SHE: variants seen among roughly 807,000 people sequenced by gnomAD.
The protein encoded by SHE is SH2 domain-containing adapter protein E.
SHE carries 11 observed loss-of-function variants against 49.8 expected under a neutral mutation model. That is an observed-to-expected ratio of 0.22 (90% CI 0.14 to 0.37). The LOEUF (loss-of-function observed/expected upper bound fraction) is 0.37. Ranked by LOEUF, SHE falls within the 10% of genes least tolerant of loss-of-function variation. The pLI is 1.00. For missense variants in SHE, 624 were observed against 655.5 expected (o/e 0.95, Z 0.52); for synonymous variants, 310 against 278.1 (o/e 1.11, Z -1.14).
In SHE at chr1:154,502,292, C is replaced by A. The variant is rs1326664143; in HGVS notation, c.-266G>T. The A allele has an allele frequency of 5.0e-6, 1 of 200,914 alleles. No homozygotes were observed. Among genetic ancestry groups the A allele is most frequent in the African/African-American group, 2.3e-5 (1 of 43,072 alleles). The allele number at this position is 200,914 out of a possible 1,614,324, so 12.4% of individuals were successfully genotyped here. A position where few individuals can be genotyped will look rare whatever the true frequency, so the allele number is the denominator to read the frequency against. ...CGGGCGCCGGGGGCTTCCCCCTGCT[C>A]TTTCCTCCTGCGGTGGGAGAGGCCA... On this transcript the variant is annotated 5_prime_UTR_variant, in exon 1 of 6. Coordinates refer to ENST00000304760, the MANE Select transcript of SHE (RefSeq NM_001010846.3).
exon 2 of SHE, chr1:154,470,299 G>A (rs1194278091): frequency 7.8e-7 from 1 of 1,288,094 alleles, no homozygotes; most frequent in African/African-American, 1.5e-5. Flanking sequence ...TCATGGCATT[G>A]CTGTTAGGAT....
chr1:154,472,626 C>G (rs972758856), intron 1 of SHE, among the ~76,000 whole-genome samples: 1 of 152,198 alleles, frequency 6.6e-6, no homozygotes, highest in African/African-American at 2.4e-5. Flanking sequence ...AACCTTTGAC[C>G]CGGGCAATCA....
chr1:154,499,621 T>G (rs552784293), intron 1 of SHE, among the ~76,000 whole-genome samples: 1 of 152,256 alleles, frequency 6.6e-6, no homozygotes, highest in Admixed American at 6.5e-5. Context: ...ATTGAGTTTT[T>G]TAAACTCCAA....
At chr1:154,470,305 A>G in exon 2 of SHE, 1 of 1,288,748 alleles carries the variant, frequency 7.8e-7, no homozygotes, top group Non-Finnish European at 1.0e-6. Flanking sequence ...CATTGCTGTT[A>G]GGATGACATG....
In SHE at chr1:154,501,372, G is replaced by C; in HGVS notation, c.591+64C>G. 2.6e-6 allele frequency: 4 copies of C among 1,516,808 alleles called. No individual in the cohort carries two copies. The South Asian group carries it at 4.8e-5, about 18-fold the overall frequency. The allele number at this position is 1,516,808 out of a possible 1,614,324, so 94.0% of individuals were successfully genotyped here. The stretch of plus-strand genomic sequence containing the variant: ...CCTCTTAGGTCTAAAGAAGCCTAGG[G>C]CTTAGCAGGCGCCCAGGGCTCCCCT... On this transcript the variant is annotated intron_variant, in intron 1 of 5. Coordinates refer to ENST00000304760, the MANE Select transcript of SHE (RefSeq NM_001010846.3).
chr1:154,501,513 A>G lies in SHE; in HGVS notation c.514T>C (p.Ser172Pro), dbSNP rs1332272611. The G allele has an allele frequency of 3.1e-6, 5 of 1,614,060 alleles. No individual in the cohort carries two copies. In the African/African-American group the frequency reaches 6.7e-5, roughly 22 times the overall value. Reference sequence around the variant, plus strand: ...GAAGGGGAAGAGGACGCGGAGGAAGAGGAGCTGGAGCTGGAGCTACTGCTG... The same window carrying G: ...GAAGGGGAAGAGGACGCGGAGGAAGGGGAGCTGGAGCTGGAGCTACTGCTG... ...PSSSSSSSSSSSSASSSPSSL... is the reference protein window; with the variant it reads ...PSSSSSSSSSPSSASSSPSSL... The change falls in exon 1 of 6, where the codon TCT becomes CCT. Residue 172 changes from serine to proline, a missense_variant. Ser to Pro is a moderately conservative substitution (Grantham distance 74, BLOSUM62 -1). Transcript: ENST00000304760.
At position 154,479,498 on chromosome 1, in the gene SHE, T is replaced by C; in HGVS notation, c.*4651A>G. ...CACTGTAGTTTTCTTGGAATAATGT[T>C]TATTTAAAGTTACATTTCAGAGGAA... On this transcript the variant is annotated 3_prime_UTR_variant, in exon 6 of 6. Transcript: ENST00000304760. 3.0e-6 allele frequency: 3 copies of C among 985,334 alleles called. No homozygotes were observed. Among genetic ancestry groups the C allele is most frequent in the Non-Finnish European group, 3.6e-6 (3 of 829,850 alleles). The allele number at this position is 985,334 out of a possible 1,614,324, so 61.0% of individuals were successfully genotyped here.
At chr1:154,473,285 C>T (rs1389755086) in intron 1 of SHE, among the ~76,000 whole-genome samples, 1 of 151,946 alleles carries the variant, frequency 6.6e-6, no homozygotes, top group Non-Finnish European at 1.5e-5. Context: ...CAGGTGTGAG[C>T]CACTGAGCCC....
chr1:154,487,275 A>G (rs1445611879), intron 3 of SHE, among the ~76,000 whole-genome samples: 1 of 151,996 alleles, frequency 6.6e-6, no homozygotes, highest in African/African-American at 2.4e-5. Context: ...CGTCTCAAAA[A>G]AAAAAAAAAA....
At chr1:154,493,372 G>C (rs1056087283) in intron 2 of SHE, among the ~76,000 whole-genome samples, 5 of 152,186 alleles carry the variant, frequency 3.3e-5, no homozygotes, top group African/African-American at 1.2e-4. Flanking sequence ...GCTGCAAGCC[G>C]ACCCTTCCTG....
In SHE at chr1:154,484,035, G is replaced by A. The variant is rs1197265260; in HGVS notation, c.*114C>T. On this transcript the variant is annotated 3_prime_UTR_variant, in exon 6 of 6. Transcript: ENST00000304760. ...ACAAATCACTCTCTGACTTTTCAAG[G>A]AAGACTCCCATTTTCTAGCAGTTGC... 1.4e-5 allele frequency: 21 copies of A among 1,459,254 alleles called. No individual in the cohort carries two copies. The highest frequency in any genetic ancestry group is 2.6e-5 in the Admixed American group (1 of 37,736). 90.4% of individuals were successfully genotyped at this position (1,459,254 alleles called of 1,614,324 possible). A position where few individuals can be genotyped will look rare whatever the true frequency, so the allele number is the denominator to read the frequency against.
chr1:154,474,706 T>C (rs879847195), downstream of SHE, among the ~76,000 whole-genome samples: 1 of 152,148 alleles, frequency 6.6e-6, no homozygotes, highest in African/African-American at 2.4e-5. Flanking sequence ...GGTTTTGCTA[T>C]GTTGGCCAGG....
intron 3 of SHE, among the ~76,000 whole-genome samples, chr1:154,488,156 T>A (rs1375696832): frequency 6.6e-6 from 1 of 151,926 alleles, no homozygotes; most frequent in African/African-American, 2.4e-5. Flanking sequence ...TTGGCCAGGA[T>A]GGTCTCCAGC....
In SHE at chr1:154,481,679, T is replaced by C. The variant is rs1692021197; in HGVS notation, c.*2470A>G. On this transcript the variant is annotated 3_prime_UTR_variant, in exon 6 of 6. Coordinates refer to ENST00000304760, the MANE Select transcript of SHE (RefSeq NM_001010846.3). ...GTAAAAACGTTTCATTTCTAGAATG[T>C]TAAACTAAAAATAAGTTTAACACAA... The C allele has an allele frequency of 1.0e-6, 1 of 970,958 alleles. No homozygotes were observed. The allele number at this position is 970,958 out of a possible 1,614,324, so 60.1% of individuals were successfully genotyped here. A position where few individuals can be genotyped will look rare whatever the true frequency, so the allele number is the denominator to read the frequency against.
chr1:154,481,883 T>G lies in SHE; in HGVS notation c.*2266A>C, dbSNP rs955569594. ...CTTGCTTGTTGAGACAGGGTCTCAC[T>G]CTGTCACTCAGGCTGGAGTGCAATG... On this transcript the variant is annotated 3_prime_UTR_variant, in exon 6 of 6. Transcript: ENST00000304760. 1 of 768,464 alleles carries G rather than the reference T, an allele frequency of 1.3e-6. No homozygotes were observed. Among genetic ancestry groups the G allele is most frequent in the African/African-American group, 1.9e-5 (1 of 52,950 alleles). 47.6% of individuals were successfully genotyped at this position (768,464 alleles called of 1,614,324 possible). A position where few individuals can be genotyped will look rare whatever the true frequency, so the allele number is the denominator to read the frequency against.
intron 1 of SHE, among the ~76,000 whole-genome samples, 172 bp downstream of exon 1, chr1:154,501,263 TA>T (rs1481373136): frequency 6.6e-6 from 1 of 152,156 alleles, no homozygotes; most frequent in Non-Finnish European, 1.5e-5. Context: ...TTTCAAGAAT[TA>T]AAAAACAGTC....
At chr1:154,499,060 A>G in intron 2 of SHE, 52 bp downstream of exon 2, 1 of 1,598,248 alleles carries the variant, frequency 6.3e-7, no homozygotes, top group South Asian at 1.1e-5. Context: ...ATATTACAAC[A>G]CTCACTGAGT....
chr1:154,487,190 T>G (rs765448557), intron 3 of SHE, among the ~76,000 whole-genome samples: 2 of 150,494 alleles, frequency 1.3e-5, no homozygotes, highest in Admixed American at 6.6e-5. Context: ...GAGAATCACT[T>G]GAACCCGGGA....
In SHE at chr1:154,480,202, G is replaced by A. The variant is rs1691982524; in HGVS notation, c.*3947C>T. On this transcript the variant is annotated 3_prime_UTR_variant, in exon 6 of 6. Transcript: ENST00000304760. The stretch of plus-strand genomic sequence containing the variant: ...AACTAGTGCTAGTTATGGAAAAATA[G>A]GAGACAACTAGTGAACGAGAGATCT... The A allele has an allele frequency of 1.0e-6, 1 of 985,324 alleles. No individual in the cohort carries two copies. The highest frequency in any genetic ancestry group is 1.2e-6 in the Non-Finnish European group (1 of 829,942). 61.0% of individuals were successfully genotyped at this position (985,324 alleles called of 1,614,324 possible).
Sources: gnomAD v4.1 joint callset for allele counts (sites outside exome capture counted in the v4.1 genomes callset) on GRCh38, gnomAD v4.1.1 for gene constraint, MANE v1.5 for transcripts, NCBI Gene and HGNC (gene_info 2026-07-23, HGNC 2026-07-21) for gene names.